The following CHRNB3 variants were observed in gnomAD, a reference collection of about 807,000 sequenced individuals.
CHRNB3 encodes the protein neuronal acetylcholine receptor subunit beta-3.
Under a neutral mutation model 40.6 loss-of-function variants are expected in CHRNB3, and 37 were observed. The ratio of observed to expected loss-of-function variants is 0.91; its 90% CI spans 0.70 to 1.20. The LOEUF is 1.20. CHRNB3 is among the 50% of genes most tolerant of loss of function. CHRNB3 has a pLI of 0.00. For missense variants in CHRNB3, 505 were observed against 551.2 expected (o/e 0.92, Z 0.84); for synonymous variants, 207 against 207.1 (o/e 1.00, Z 0.00).
Position 42,732,371 on chromosome 8 carries a change from G to T in CHRNB3, c.1064G>T (p.Arg355Leu), listed in dbSNP as rs768410524. ...CTTTGCATGAAAGATCATGTGGATC[G>T]CTACTCATCCCCAGAGAAAGAGGAG... ...KLLCMKDHVD[R>L]YSSPEKEESQ... The change falls in exon 5 of 6, where the codon CGC (arginine) becomes CTC (leucine). Residue 355 changes from arginine (R) to leucine (L), a missense_variant. Physicochemically the swap from Arg to Leu is moderately radical, Grantham distance 102. Coordinates refer to ENST00000289957, the MANE Select transcript of CHRNB3 (RefSeq NM_000749.5). 6.2e-7 allele frequency: 1 copy of T among 1,611,318 alleles called. No homozygotes were observed. The highest frequency in any genetic ancestry group is 8.5e-7 in the Non-Finnish European group (1 of 1,179,470).
chr8:42,731,619 C>A, intron 4 of CHRNB3, 48 bp from the exon 5 acceptor site: 1 of 1,516,046 alleles, frequency 6.6e-7, no homozygotes, highest in Non-Finnish European at 8.9e-7. Context: ...AGAACAAAAA[C>A]TAGCAGGTGC....
At chr8:42,721,387 C>T (rs1816215267) in intron 3 of CHRNB3, among the ~76,000 whole-genome samples, 1 of 152,026 alleles carries the variant, frequency 6.6e-6, no homozygotes, top group Non-Finnish European at 1.5e-5. Flanking sequence ...TCATCCATAC[C>T]CTCCCCCGGA....
intron 3 of CHRNB3, chr8:42,725,506 T>G (rs895483794): frequency 8.7e-6 from 6 of 692,654 alleles, no homozygotes; most frequent in African/African-American, 5.3e-5. Context: ...ATGCTTCCAC[T>G]TCATTGATAA....
At chr8:42,730,474 G>T in intron 3 of CHRNB3, 120 bp from the exon 4 acceptor site, 1 of 621,414 alleles carries the variant, frequency 1.6e-6, no homozygotes. Flanking sequence ...CAGTCCAACC[G>T]GGACAATTTC....
At chr8:42,736,425 A>T in intron 5 of CHRNB3, 59 bp from the exon 6 acceptor site, 1 of 1,585,624 alleles carries the variant, frequency 6.3e-7, no homozygotes, top group East Asian at 2.2e-5. Context: ...ATCCCTTGAG[A>T]TGAATACAGA....
intron 3 of CHRNB3, among the ~76,000 whole-genome samples, chr8:42,727,678 C>A (rs1816334876): frequency 6.6e-6 from 1 of 152,102 alleles, no homozygotes; most frequent in African/African-American, 2.4e-5. Context: ...TCCTGGCCAA[C>A]ATGGTGAAAC....
chr8:42,732,112 A>G lies in CHRNB3; in HGVS notation c.805A>G (p.Thr269Ala). 1 of 1,613,964 alleles carries G rather than the reference A, an allele frequency of 6.2e-7. No individual in the cohort carries two copies. Among genetic ancestry groups the G allele is most frequent in the Non-Finnish European group, 8.5e-7 (1 of 1,179,992 alleles). The change falls in exon 5 of 6, where the codon ACA (threonine) becomes GCA (alanine). Residue 269 changes from threonine to alanine, a missense_variant. Thr to Ala is a moderately conservative substitution (Grantham distance 58). Coordinates refer to ENST00000289957, the MANE Select transcript of CHRNB3 (RefSeq NM_000749.5). ...TGAAGGAGAAAAACTTTCATTATCC[A>G]CATCGGTCTTGGTTTCTCTGACAGT... is the stretch of plus-strand genomic sequence containing the variant. ...SDEGEKLSLS[T>A]SVLVSLTVFL...
intron 3 of CHRNB3, among the ~76,000 whole-genome samples, chr8:42,722,401 G>T (rs1196851756): frequency 6.6e-6 from 1 of 152,062 alleles, no homozygotes. Context: ...AAGATCTCTT[G>T]GTGTGCCCCT....
chr8:42,702,503 C>A (rs1018626608), intron 1 of CHRNB3, among the ~76,000 whole-genome samples: 2 of 152,244 alleles, frequency 1.3e-5, no homozygotes, highest in East Asian at 3.9e-4. Flanking sequence ...CACGATGGCT[C>A]ACGCCTGTAA....
chr8:42,721,383 A>G (rs1459421364), intron 3 of CHRNB3, among the ~76,000 whole-genome samples: 1 of 151,916 alleles, frequency 6.6e-6, no homozygotes, highest in Non-Finnish European at 1.5e-5. Flanking sequence ...ATTCTCATCC[A>G]TACCCTCCCC....
At chr8:42,710,261 T>G in intron 2 of CHRNB3, 129 bp from the exon 3 acceptor site, 11 of 694,170 alleles carry the variant, frequency 1.6e-5, no homozygotes, top group East Asian at 5.6e-5. Flanking sequence ...GAGGGTGCAG[T>G]GAGCTATGGT....
intron 2 of CHRNB3, 114 bp from the exon 3 acceptor site, chr8:42,710,276 C>G: frequency 1.3e-6 from 1 of 771,854 alleles, no homozygotes. Flanking sequence ...TATGGTGGCA[C>G]CACTGCACTC....
intron 3 of CHRNB3, among the ~76,000 whole-genome samples, chr8:42,716,887 G>A (rs1816118883): frequency 6.6e-6 from 1 of 152,074 alleles, no homozygotes; most frequent in African/African-American, 2.4e-5. Context: ...CTTCACTGTA[G>A]CTGAGACAGT....
At chr8:42,697,996 GTAGA>G (rs1277884503) in intron 1 of CHRNB3, among the ~76,000 whole-genome samples, 1 of 152,132 alleles carries the variant, frequency 6.6e-6, no homozygotes, top group African/African-American at 2.4e-5. Context: ...ATATCTGCAT[GTAGA>G]TATTTAATTT....
chr8:42,707,056 G>C (rs1198177317), intron 1 of CHRNB3, among the ~76,000 whole-genome samples: 3 of 152,150 alleles, frequency 2.0e-5, no homozygotes, highest in Non-Finnish European at 2.9e-5. Context: ...ACCATGCCTG[G>C]CCCACAGTTT....
intron 3 of CHRNB3, among the ~76,000 whole-genome samples, chr8:42,712,047 C>T (rs1330501642): frequency 5.3e-5 from 8 of 152,062 alleles, no homozygotes; most frequent in Admixed American, 5.2e-4. Context: ...GGCTGGAGTG[C>T]AATGGCGCAA....
intron 3 of CHRNB3, among the ~76,000 whole-genome samples, chr8:42,723,159 A>AT (rs202168441): frequency 0.057 from 8,582 of 151,822 alleles, 323 homozygotes; most frequent in Middle Eastern, 0.1. Context: ...GTAATAGGAT[A>AT]CCTATTACCT....
At chr8:42,725,160 G>T (rs1816286849) in intron 3 of CHRNB3, among the ~76,000 whole-genome samples, 1 of 147,452 alleles carries the variant, frequency 6.8e-6, no homozygotes, top group Non-Finnish European at 1.5e-5. Flanking sequence ...CGCAATCTTG[G>T]CTCACCGCAA....
At chr8:42,721,423 A>G (rs564175080) in intron 3 of CHRNB3, among the ~76,000 whole-genome samples, 4 of 151,952 alleles carry the variant, frequency 2.6e-5, no homozygotes, top group Admixed American at 2.0e-4. Flanking sequence ...TCAACTCCAG[A>G]CTCAAAATGC....
Sources: gnomAD v4.1 joint callset for allele counts (sites outside exome capture counted in the v4.1 genomes callset) on GRCh38, gnomAD v4.1.1 for gene constraint, MANE v1.5 for transcripts, NCBI Gene and HGNC (gene_info 2026-07-23, HGNC 2026-07-21) for gene names.